Variants in RORA observed in about 807,000 individuals in gnomAD.
RORA encodes RAR related orphan receptor A, also known as nuclear receptor ROR-alpha.
RORA carries 7 observed loss-of-function variants against 69.5 expected under a neutral mutation model. The observed-to-expected ratio is 0.10, with a 90% CI of 0.06 to 0.19. RORA has a LOEUF of 0.19. RORA is among the 10% of genes least tolerant of loss of function. RORA has a pLI of 1.00. For missense variants in RORA, 457 were observed against 663.0 expected, an observed-to-expected ratio of 0.69 and a Z score of 3.41; for synonymous variants, 261 against 240.8, an observed-to-expected ratio of 1.08 and a Z score of -0.78.
chr15:61,046,635 C>T (rs905402080), intron 1 of RORA, among the ~76,000 whole-genome samples: 1 of 152,130 alleles, frequency 6.6e-6, no homozygotes, highest in African/African-American at 2.4e-5. Flanking sequence ...ACAAATGTTG[C>T]TTAATATTTT....
At chr15:60,757,289 T>C (rs1014260492) in intron 1 of RORA, among the ~76,000 whole-genome samples, 7 of 152,088 alleles carry the variant, frequency 4.6e-5, no homozygotes, top group Non-Finnish European at 7.4e-5. Flanking sequence ...TCTACTTTCT[T>C]CTTTTCCTCA....
chr15:60,744,910 C>T (rs940220382), intron 1 of RORA, among the ~76,000 whole-genome samples: 22 of 152,282 alleles, frequency 1.4e-4, no homozygotes, highest in African/African-American at 5.1e-4. Context: ...TCATTTCACC[C>T]GGGGCCTCCA....
chr15:60,596,331 C>G (rs539056836), intron 2 of RORA, among the ~76,000 whole-genome samples: 5 of 151,996 alleles, frequency 3.3e-5, no homozygotes, highest in Non-Finnish European at 5.9e-5. Flanking sequence ...CGTCTGCTTG[C>G]TAATTCAATT....
intron 1 of RORA, among the ~76,000 whole-genome samples, chr15:60,743,217 G>A (rs1268939169): frequency 6.6e-6 from 1 of 151,870 alleles, no homozygotes; most frequent in East Asian, 1.9e-4. Context: ...ATTTTGCCAT[G>A]TTGACCAGGC....
intron 1 of RORA, among the ~76,000 whole-genome samples, chr15:61,076,621 A>G (rs1267343640): frequency 6.6e-6 from 1 of 152,240 alleles, no homozygotes; most frequent in Non-Finnish European, 1.5e-5. Context: ...TTCCCTGGGA[A>G]GTCTCCAAAG....
intron 1 of RORA, among the ~76,000 whole-genome samples, chr15:61,106,603 C>T (rs1453906635): frequency 6.6e-6 from 1 of 152,112 alleles, no homozygotes; most frequent in Non-Finnish European, 1.5e-5. Flanking sequence ...GGACCAGCTC[C>T]CCCTCCTCCC....
In RORA at chr15:61,229,087, C is replaced by G. The variant is rs548732228; in HGVS notation, c.132G>C (p.Pro44=). Residue 44 remains proline (P), a synonymous_variant, in exon 1 of 11, where the codon CCG becomes CCC. Coordinates refer to ENST00000335670, the MANE Select transcript of RORA (RefSeq NM_134261.3). ...ESARKSEPPA[P]VRRQSYSSTS... ...TGCTGGAATAGCTCTGTCTGCGCAC[C>G]GGGGCAGGCGGCTCGCTCTTGCGGG... is the stretch of plus-strand genomic sequence containing the variant. The G allele has an allele frequency of 1.4e-4, 218 of 1,538,082 alleles. No individual in the cohort carries two copies. The East Asian group carries it at 1.7e-3, about 12-fold the overall frequency.
chr15:60,902,754 G>A (rs1354215720), intron 1 of RORA, among the ~76,000 whole-genome samples: 6 of 152,174 alleles, frequency 3.9e-5, no homozygotes, highest in Non-Finnish European at 8.8e-5. Context: ...TCCCACCGTG[G>A]TTGAACGAGG....
chr15:60,936,744 A>C (rs1892534758), intron 1 of RORA, among the ~76,000 whole-genome samples: 1 of 152,246 alleles, frequency 6.6e-6, no homozygotes, highest in African/African-American at 2.4e-5. Context: ...AGAATTAAGT[A>C]CCTCTTAGCT....
At chr15:60,696,595 A>G (rs1317343601) in intron 1 of RORA, among the ~76,000 whole-genome samples, 1 of 152,092 alleles carries the variant, frequency 6.6e-6, no homozygotes, top group Non-Finnish European at 1.5e-5. Flanking sequence ...GACAGTCTAC[A>G]TGGCTCATAT....
At chr15:61,089,172 T>C (rs1380596192) in intron 1 of RORA, among the ~76,000 whole-genome samples, 1 of 152,204 alleles carries the variant, frequency 6.6e-6, no homozygotes, top group Non-Finnish European at 1.5e-5. Flanking sequence ...ACAAAAGGAA[T>C]GAATTTTCTG....
chr15:60,996,284 C>T (rs1894531803), intron 1 of RORA, among the ~76,000 whole-genome samples: 1 of 151,972 alleles, frequency 6.6e-6, no homozygotes, highest in African/African-American at 2.4e-5. Flanking sequence ...GTTGGCCAGG[C>T]TGGAATCGAA....
At chr15:60,674,139 T>A (rs1030939392) in intron 2 of RORA, among the ~76,000 whole-genome samples, 8 of 152,172 alleles carry the variant, frequency 5.3e-5, no homozygotes, top group Non-Finnish European at 1.0e-4. Context: ...GTCACATGGG[T>A]TGCCACGGAA....
intron 2 of RORA, among the ~76,000 whole-genome samples, chr15:60,561,678 G>A (rs2067564845): frequency 6.6e-6 from 1 of 152,040 alleles, no homozygotes; most frequent in South Asian, 2.1e-4. Context: ...AACTATAGAA[G>A]GAAAGTACAT....
At chr15:61,063,116 A>G (rs1019705525) in intron 1 of RORA, among the ~76,000 whole-genome samples, 6 of 152,198 alleles carry the variant, frequency 3.9e-5, no homozygotes, top group Non-Finnish European at 8.8e-5. Flanking sequence ...GGCCCTGTGA[A>G]GCCCACAAAT....
intron 1 of RORA, among the ~76,000 whole-genome samples, chr15:61,228,200 A>C (rs893255980): frequency 6.6e-6 from 1 of 152,038 alleles, no homozygotes; most frequent in Non-Finnish European, 1.5e-5. Flanking sequence ...GAGCAGAAAT[A>C]AGTTTCGGTG....
intron 1 of RORA, among the ~76,000 whole-genome samples, chr15:60,943,425 G>A (rs1037027400): frequency 6.6e-6 from 1 of 151,870 alleles, no homozygotes; most frequent in African/African-American, 2.4e-5. Context: ...CTGTATCAAG[G>A]TCATACTTAA....
intron 1 of RORA, among the ~76,000 whole-genome samples, chr15:61,154,900 T>C (rs906838233): frequency 6.6e-6 from 1 of 152,158 alleles, no homozygotes; most frequent in African/African-American, 2.4e-5. Flanking sequence ...TCTCGCATTG[T>C]GAAAGGGAGG....
intron 1 of RORA, among the ~76,000 whole-genome samples, chr15:60,777,198 G>C (rs1297555931): frequency 6.6e-6 from 1 of 152,182 alleles, no homozygotes; most frequent in Non-Finnish European, 1.5e-5. Flanking sequence ...TCACACTTTA[G>C]TCTTCTCTAA....
Sources: gnomAD v4.1 joint callset for allele counts (sites outside exome capture counted in the v4.1 genomes callset) on GRCh38, gnomAD v4.1.1 for gene constraint, MANE v1.5 for transcripts, NCBI Gene and HGNC (gene_info 2026-07-23, HGNC 2026-07-21) for gene names.